MAN2B2: variants seen among roughly 807,000 people sequenced by gnomAD.
MAN2B2 encodes epididymis-specific alpha-mannosidase.
In MAN2B2, 106 loss-of-function variants were observed where a neutral mutation model predicts 117.1. That is an observed-to-expected ratio of 0.90 (90% CI 0.77 to 1.06). The LOEUF (loss-of-function observed/expected upper bound fraction) is 1.06. MAN2B2 is among the 50% of genes least tolerant of loss of function. MAN2B2 has a pLI of 0.00. For synonymous variants in MAN2B2, 544 were observed against 595.1 expected (o/e 0.91, Z 1.25); for missense variants, 1,326 against 1,381.4 (o/e 0.96, Z 0.64).
intron 6 of MAN2B2, among the ~76,000 whole-genome samples, 160 bp from the exon 7 acceptor site, chr4:6,594,374 T>C (rs1225533500): frequency 2.6e-5 from 4 of 152,178 alleles, no homozygotes; most frequent in Non-Finnish European, 5.9e-5. Context: ...GGAGGTTGCA[T>C]GAGCCGAGAT....
At chr4:6,597,925 G>A (rs895893031) in intron 8 of MAN2B2, among the ~76,000 whole-genome samples, 1 of 152,244 alleles carries the variant, frequency 6.6e-6, no homozygotes, top group African/African-American at 2.4e-5. Flanking sequence ...ATGTCATTAT[G>A]TTGTGGGAGA....
intron 5 of MAN2B2, among the ~76,000 whole-genome samples, chr4:6,592,328 G>A (rs1726890935): frequency 6.6e-6 from 1 of 152,222 alleles, no homozygotes; most frequent in Admixed American, 6.5e-5. Flanking sequence ...AGCTTGGTGA[G>A]GCTAGAGGTG....
chr4:6,610,251 G>C (rs1191730078), intron 13 of MAN2B2, among the ~76,000 whole-genome samples: 1 of 152,150 alleles, frequency 6.6e-6, no homozygotes, highest in African/African-American at 2.4e-5. Context: ...CTGCCTCCCA[G>C]GTTCAAGCGA....
intron 3 of MAN2B2, among the ~76,000 whole-genome samples, chr4:6,580,566 C>T (rs1055705574): frequency 2.6e-5 from 4 of 152,164 alleles, no homozygotes; most frequent in Non-Finnish European, 5.9e-5. Context: ...ACGCAGTGCT[C>T]CCCCTCATTC....
At chr4:6,591,174 G>C (rs1441834626) in intron 5 of MAN2B2, among the ~76,000 whole-genome samples, 5 of 152,074 alleles carry the variant, frequency 3.3e-5, no homozygotes, top group Non-Finnish European at 7.4e-5. Context: ...GGCTGGAGGA[G>C]TGGGAGAGGG....
At chr4:6,580,842 C>T (rs115908829) in intron 3 of MAN2B2, among the ~76,000 whole-genome samples, 8 of 152,318 alleles carry the variant, frequency 5.3e-5, no homozygotes, top group African/African-American at 9.6e-5. Flanking sequence ...CTCAGCCCAC[C>T]GTGCCTAAGT....
Position 6,597,291 on chromosome 4 carries a change from G to A in MAN2B2, c.1236G>A (p.Trp412Ter). 2.6e-6 allele frequency: 4 copies of A among 1,551,124 alleles called. No individual in the cohort carries two copies. The highest frequency in any genetic ancestry group is 3.5e-6 in the Non-Finnish European group (4 of 1,148,244). ...TGCAGCAGCTCCAGCAGCTTCGCTG[G>A]GCCGTCTCCGAGGTAACACCACATT... ...WALQQLQQLR[W>*]AVSEVQHHDA... is the part of the protein sequence containing the mutation. The change falls in exon 8 of 19, where the codon TGG becomes TGA. Residue 412 changes from tryptophan to a stop codon, truncating the protein, a stop_gained. Coordinates refer to ENST00000285599, the MANE Select transcript of MAN2B2 (RefSeq NM_015274.3). LOFTEE classifies it high-confidence loss of function.
In MAN2B2 at chr4:6,591,327, T is replaced by C. The variant is rs557312175; in HGVS notation, c.681-1846T>C. ...GTAGATGGTTGAATACACACCACCC[T>C]ACCCAGCACAGGTGACGTCCATAGC... is the stretch of plus-strand genomic sequence containing the variant. On this transcript the variant is annotated intron_variant, in intron 5 of 18. Transcript: ENST00000285599. 8.5e-5 allele frequency among the ~76,000 whole-genome samples: 13 copies of C among 152,340 alleles called. No homozygotes were observed. The South Asian group carries it at 2.5e-3, about 29-fold the overall frequency.
intron 6 of MAN2B2, 114 bp from the exon 7 acceptor site, chr4:6,594,420 G>T (rs1216044674): frequency 2.0e-5 from 21 of 1,071,620 alleles, no homozygotes; most frequent in Non-Finnish European, 2.7e-5. Flanking sequence ...TGGGGCCCCT[G>T]TTGGCCGCCT....
intron 7 of MAN2B2, among the ~76,000 whole-genome samples, chr4:6,596,628 C>T (rs529498327): frequency 2.6e-5 from 4 of 152,242 alleles, no homozygotes; most frequent in African/African-American, 7.2e-5. Context: ...CCTCCCTGGA[C>T]GCCCAGAGAA....
chr4:6,587,232 A>T, intron 4 of MAN2B2, 64 bp downstream of exon 4: 2 of 1,566,240 alleles, frequency 1.3e-6, no homozygotes, highest in East Asian at 4.5e-5. Context: ...CTTGAATCAG[A>T]GCACGGTAGA....
chr4:6,603,492 CAG>C (rs924337123), intron 10 of MAN2B2, among the ~76,000 whole-genome samples: 5 of 152,100 alleles, frequency 3.3e-5, no homozygotes, highest in African/African-American at 1.2e-4. Flanking sequence ...TTGTCCAGCA[CAG>C]GGAGAGGCGA....
intron 3 of MAN2B2, among the ~76,000 whole-genome samples, chr4:6,581,105 T>A (rs1726411890): frequency 6.6e-6 from 1 of 152,056 alleles, no homozygotes; most frequent in African/African-American, 2.4e-5. Context: ...CTCAGGGCAA[T>A]CTGGTAGATG....
chr4:6,582,538 C>T (rs1377227517), intron 3 of MAN2B2, among the ~76,000 whole-genome samples: 4 of 152,116 alleles, frequency 2.6e-5, no homozygotes, highest in African/African-American at 7.2e-5. Flanking sequence ...AGGGATCTCA[C>T]CATGTTGGCC....
rs186250763 is a variant in MAN2B2, at chr4:6,600,721, G to A, written c.1504G>A (p.Val502Ile). 41 of 1,613,902 alleles carry A rather than the reference G, an allele frequency of 2.5e-5. No homozygotes were observed. Among genetic ancestry groups the A allele is most frequent in the South Asian group, 1.4e-4 (13 of 91,084 alleles). Residue 502 changes from valine (V) to isoleucine (I), a missense_variant, in exon 10 of 19, where the codon GTC becomes ATC. Coordinates refer to ENST00000285599, the MANE Select transcript of MAN2B2 (RefSeq NM_015274.3). The part of the protein sequence containing the change: ...TLTVGFPGVR[V>I]TDEAGHPVPS... ...GACTGTTGGTTTCCCTGGAGTCCGC[G>A]TCACAGATGAGGCGGGCCACCCAGT...
At chr4:6,579,834 A>G (rs11726837) in intron 3 of MAN2B2, among the ~76,000 whole-genome samples, 50,874 of 152,134 alleles carry the variant, frequency 0.33, 9,594 homozygotes, top group East Asian at 0.59. Context: ...ACCATTTACC[A>G]AATGCCTTTC....
At chr4:6,605,678 A>T (rs751746967) in intron 11 of MAN2B2, among the ~76,000 whole-genome samples, 7 of 152,078 alleles carry the variant, frequency 4.6e-5, no homozygotes, top group South Asian at 2.1e-4. Flanking sequence ...CGGGACTTTC[A>T]AAATCATCTA....
At chr4:6,607,113 A>T (rs1727580328) in intron 11 of MAN2B2, among the ~76,000 whole-genome samples, 1 of 152,132 alleles carries the variant, frequency 6.6e-6, no homozygotes, top group Non-Finnish European at 1.5e-5. Context: ...GCAATCCTAG[A>T]CTATTTCTGT....
chr4:6,583,944 T>A (rs1218716597), intron 3 of MAN2B2, among the ~76,000 whole-genome samples: 1 of 152,240 alleles, frequency 6.6e-6, no homozygotes, highest in African/African-American at 2.4e-5. Flanking sequence ...TTCTTCCCTT[T>A]TCCAGTGGAG....
Sources: gnomAD v4.1 joint callset for allele counts (sites outside exome capture counted in the v4.1 genomes callset) on GRCh38, gnomAD v4.1.1 for gene constraint, MANE v1.5 for transcripts, NCBI Gene and HGNC (gene_info 2026-07-23, HGNC 2026-07-21) for gene names.